The following ZMYND11 variants were observed in gnomAD, a reference collection of about 807,000 sequenced individuals.
ZMYND11 encodes the protein zinc finger MYND-type containing 11, also known as zinc finger MYND domain-containing protein 11.
Under a neutral mutation model 84.9 loss-of-function variants are expected in ZMYND11, and 9 were observed. The ratio of observed to expected loss-of-function variants is 0.11; its 90% confidence interval spans 0.06 to 0.18. The LOEUF (loss-of-function observed/expected upper bound fraction) is 0.18, where lower values mean the gene tolerates loss of function less well. ZMYND11 is among the 10% of genes least tolerant of loss of function. The pLI is 1.00. For synonymous variants in ZMYND11, 250 were observed against 244.1 expected (o/e 1.02, Z -0.23); for missense variants, 409 against 761.0 (o/e 0.54, Z 5.44).
intron 4 of ZMYND11, among the ~76,000 whole-genome samples, chr10:234,364 C>G (rs1288678721): frequency 6.6e-6 from 1 of 152,206 alleles, no homozygotes; most frequent in Non-Finnish European, 1.5e-5. Flanking sequence ...ACCACAGAGC[C>G]TAGAGCTAAC....
At chr10:149,924 G>A (rs1554756496) in intron 1 of ZMYND11, among the ~76,000 whole-genome samples, 1 of 151,370 alleles carries the variant, frequency 6.6e-6, no homozygotes, top group Non-Finnish European at 1.5e-5. Flanking sequence ...TTATTGATTT[G>A]TGTATGTTGA....
intron 1 of ZMYND11, among the ~76,000 whole-genome samples, chr10:145,172 A>G (rs1554754919): frequency 6.6e-6 from 1 of 150,454 alleles, no homozygotes; most frequent in African/African-American, 2.4e-5. Flanking sequence ...GTGTATATAT[A>G]TGTGTATATA....
chr10:247,065 T>G, intron 11 of ZMYND11, 92 bp downstream of exon 11: 1 of 1,305,398 alleles, frequency 7.7e-7, no homozygotes, highest in Non-Finnish European at 1.1e-6. Flanking sequence ...GAACAGATTT[T>G]GACGTTCTCC....
intron 13 of ZMYND11, 103 bp from the exon 14 acceptor site, chr10:248,800 G>C: frequency 6.9e-7 from 1 of 1,455,766 alleles, no homozygotes; most frequent in African/African-American, 1.4e-5. Context: ...TAATGAAGGG[G>C]AAAAAAGGTA....
At chr10:159,580 T>A (rs1376471310) in intron 1 of ZMYND11, among the ~76,000 whole-genome samples, 4 of 152,202 alleles carry the variant, frequency 2.6e-5, no homozygotes, top group African/African-American at 4.8e-5. Context: ...CTCATTTTTT[T>A]AAATTGGATT....
At chr10:223,248 T>C (rs532477978) in intron 4 of ZMYND11, among the ~76,000 whole-genome samples, 54 of 152,210 alleles carry the variant, frequency 3.5e-4, no homozygotes, top group Non-Finnish European at 2.8e-4. Flanking sequence ...GTGGCCAGGC[T>C]GGTTGGTCTT....
intron 1 of ZMYND11, among the ~76,000 whole-genome samples, chr10:137,613 G>C (rs969431804): frequency 3.9e-5 from 6 of 152,150 alleles, no homozygotes; most frequent in African/African-American, 1.2e-4. Context: ...GTTGTACTTT[G>C]AAAGTTGAAA....
intron 1 of ZMYND11, among the ~76,000 whole-genome samples, chr10:178,324 A>G (rs944479398): frequency 2.0e-5 from 3 of 152,244 alleles, no homozygotes; most frequent in African/African-American, 2.4e-5. Context: ...ACACCTGTAT[A>G]TATTTTTAAC....
At chr10:240,831 TTATATAGTTTAATGTGTATGTATA>T (rs1252780891) in intron 8 of ZMYND11, 38 bp from the exon 9 acceptor site, 3 of 1,178,514 alleles carry the variant, frequency 2.5e-6, no homozygotes, top group Non-Finnish European at 3.7e-6. Flanking sequence ...TGGATACATT[TTATATAGTTTAATGTGTATGTATA>T]TTTTATGTAG....
chr10:247,085 T>C, intron 11 of ZMYND11, 112 bp downstream of exon 11: 1 of 1,173,746 alleles, frequency 8.5e-7, no homozygotes, highest in East Asian at 2.6e-5. Flanking sequence ...CTTCCCTTTT[T>C]TACATTTGTA....
At chr10:248,680 A>G in intron 13 of ZMYND11, 72 bp downstream of exon 13, 1 of 1,508,458 alleles carries the variant, frequency 6.6e-7, no homozygotes, top group South Asian at 1.3e-5. Context: ...CCTTTCACTC[A>G]TGCATCAACC....
chr10:244,370 C>T (rs962287248), intron 10 of ZMYND11: 9 of 152,170 alleles, frequency 5.9e-5, no homozygotes, highest in Non-Finnish European at 1.2e-4. Context: ...CTCCTAGACA[C>T]GCAAATAGAA....
chr10:179,941 T>C (rs1847479157), intron 1 of ZMYND11, 53 bp from the exon 2 acceptor site: 1 of 1,087,542 alleles, frequency 9.2e-7, no homozygotes, highest in Non-Finnish European at 1.4e-6. Context: ...CTTATACTGA[T>C]AATTCATTTT....
chr10:166,652 A>C (rs11592027), intron 1 of ZMYND11, among the ~76,000 whole-genome samples: 37,688 of 151,988 alleles, frequency 0.25, 5,809 homozygotes, highest in Non-Finnish European at 0.35. Context: ...GGGATTGTAA[A>C]ATGGTGCAGC....
intron 1 of ZMYND11, among the ~76,000 whole-genome samples, chr10:177,948 C>T (rs890225167): frequency 6.6e-5 from 10 of 152,062 alleles, no homozygotes; most frequent in African/African-American, 2.2e-4. Context: ...TTTATTTCTA[C>T]GTGTGTTATA....
chr10:152,912 C>G (rs1554757530), intron 1 of ZMYND11, among the ~76,000 whole-genome samples: 3 of 152,222 alleles, frequency 2.0e-5, no homozygotes, highest in Non-Finnish European at 2.9e-5. Flanking sequence ...AGAACTCACT[C>G]AAAACCGCTC....
chr10:173,312 T>C (rs371962091), intron 1 of ZMYND11, among the ~76,000 whole-genome samples: 4 of 152,292 alleles, frequency 2.6e-5, no homozygotes, highest in Non-Finnish European at 5.9e-5. Context: ...TTAATACTTT[T>C]GTTCTGTCAA....
chr10:240,138 CT>C, intron 8 of ZMYND11, 27 bp downstream of exon 8: 1 of 1,513,546 alleles, frequency 6.6e-7, no homozygotes, highest in East Asian at 2.3e-5. Flanking sequence ...AATAGTTATA[CT>C]CTTTCTATAA....
chr10:239,127 AC>A (rs1950476439), intron 6 of ZMYND11, among the ~76,000 whole-genome samples: 1 of 152,202 alleles, frequency 6.6e-6, no homozygotes, highest in Non-Finnish European at 1.5e-5. Context: ...TTCGTGCACT[AC>A]CAAGCTTAGC....
Sources: gnomAD v4.1 joint callset for allele counts (sites outside exome capture counted in the v4.1 genomes callset) on GRCh38, gnomAD v4.1.1 for gene constraint, MANE v1.5 for transcripts, NCBI Gene and HGNC (gene_info 2026-07-23, HGNC 2026-07-21) for gene names.